PLEKHG1: variants seen among roughly 807,000 people sequenced by gnomAD.
PLEKHG1 encodes the protein pleckstrin homology domain-containing family G member 1.
In PLEKHG1, 44 loss-of-function variants were observed where a neutral mutation model predicts 100.8. The observed-to-expected ratio is 0.44, with a 90% CI of 0.34 to 0.56. The LOEUF is 0.56. Among genes scored for constraint, PLEKHG1 ranks in the 20% least tolerant of loss-of-function variants. The pLI, the probability that PLEKHG1 is intolerant of heterozygous loss-of-function variation, is 0.01. For missense variants in PLEKHG1, 1,545 were observed against 1,720.9 expected (o/e 0.90, Z 1.81); for synonymous variants, 640 against 662.5 (o/e 0.97, Z 0.52).
intron 3 of PLEKHG1, among the ~76,000 whole-genome samples, chr6:150,697,370 A>C (rs1006860823): frequency 1.3e-5 from 2 of 152,206 alleles, no homozygotes; most frequent in Non-Finnish European, 2.9e-5. Context: ...TAGGAAGACT[A>C]TCTTAGCTCT....
intron 5 of PLEKHG1, among the ~76,000 whole-genome samples, chr6:150,797,256 T>C (rs1416418152): frequency 1.3e-5 from 2 of 152,120 alleles, no homozygotes; most frequent in Non-Finnish European, 2.9e-5. Flanking sequence ...GATGGTGGGA[T>C]CCACCTAGAA....
At chr6:150,660,924 A>G (rs915087751) in intron 3 of PLEKHG1, among the ~76,000 whole-genome samples, 1 of 152,218 alleles carries the variant, frequency 6.6e-6, no homozygotes, top group Non-Finnish European at 1.5e-5. Context: ...AGGATGAAAG[A>G]TGTCTTGTTG....
chr6:150,733,724 A>G (rs766602452), exon 2 of PLEKHG1: 1 of 1,614,226 alleles, frequency 6.2e-7, no homozygotes, highest in Non-Finnish European at 8.5e-7. Context: ...CTTCGGTTCC[A>G]CATCATCCTC....
intron 10 of PLEKHG1, among the ~76,000 whole-genome samples, chr6:150,811,807 C>T (rs1388809991): frequency 6.6e-6 from 1 of 152,054 alleles, no homozygotes; most frequent in East Asian, 1.9e-4. Context: ...GACGCGTTCA[C>T]ACTGGGAAAT....
intron 3 of PLEKHG1, among the ~76,000 whole-genome samples, chr6:150,711,014 T>G (rs1396156870): frequency 6.6e-6 from 1 of 152,182 alleles, no homozygotes; most frequent in African/African-American, 2.4e-5. Flanking sequence ...CTGTGCCTTT[T>G]GAGGACGCAG....
intron 10 of PLEKHG1, 120 bp from the exon 12 acceptor site, chr6:150,818,063 G>C: frequency 1.2e-6 from 1 of 802,754 alleles, no homozygotes; most frequent in African/African-American, 1.7e-5. Context: ...AACATAAATA[G>C]CGAGTTTTTA....
At chr6:150,676,695 A>G (rs1244455308) in intron 3 of PLEKHG1, among the ~76,000 whole-genome samples, 1 of 152,234 alleles carries the variant, frequency 6.6e-6, no homozygotes, top group African/African-American at 2.4e-5. Context: ...AAAGGCACTA[A>G]CATAATTCAT....
intron 5 of PLEKHG1, among the ~76,000 whole-genome samples, chr6:150,796,222 C>T (rs1433019353): frequency 6.6e-6 from 1 of 152,158 alleles, no homozygotes; most frequent in Non-Finnish European, 1.5e-5. Context: ...TCACCCTTTT[C>T]TGTGTGTGTC....
intron 3 of PLEKHG1, among the ~76,000 whole-genome samples, chr6:150,712,609 C>T (rs1342344429): frequency 6.6e-6 from 1 of 152,166 alleles, no homozygotes; most frequent in Non-Finnish European, 1.5e-5. Context: ...TCCCATTCAA[C>T]CTGCAGTGGA....
chr6:150,724,560 T>TTCTTTTTCTTTC lies in PLEKHG1; in HGVS notation c.-99+3361_-99+3362insCTTTTTCTTTCT, dbSNP rs199994152. ...TCTTTCTTTTCTTTTTTCTTTTTCTTTTTTTTTTTTTTTTTTTGAGATGGA... is the reference window on the plus strand; with the variant it reads ...TCTTTCTTTTCTTTTTTCTTTTTCTTTCTTTTTCTTTCTTTTTTTTTTTTTTTTTGAGATGGA... On this transcript the variant is annotated intron_variant, in intron 1 of 15. Coordinates refer to ENST00000358517, the Ensembl canonical transcript of PLEKHG1. Among the ~76,000 whole-genome samples, 4 of 51,752 alleles carry TTCTTTTTCTTTC rather than the reference T, an allele frequency of 7.7e-5. No individual in the cohort carries two copies. The East Asian group carries it at 1.5e-3, about 20-fold the overall frequency. 34.0% of individuals were successfully genotyped at this position (51,752 alleles called of 152,430 possible). A position where few individuals can be genotyped will look rare whatever the true frequency, so the allele number is the denominator to read the frequency against.
intron 5 of PLEKHG1, 54 bp downstream of exon 6, chr6:150,795,956 A>G (rs982822986): frequency 1.8e-6 from 2 of 1,141,078 alleles, no homozygotes; most frequent in Non-Finnish European, 2.7e-6. Flanking sequence ...CATTGTTTCA[A>G]GTCAGCTGGT....
At chr6:150,693,338 GTC>G (rs769010085) in intron 3 of PLEKHG1, among the ~76,000 whole-genome samples, 1 of 152,250 alleles carries the variant, frequency 6.6e-6, no homozygotes, top group East Asian at 1.9e-4. Context: ...CTTATTTGGT[GTC>G]TCTCTGCTTC....
chr6:150,819,699 A>C, exon 12 of PLEKHG1: 1 of 1,610,536 alleles, frequency 6.2e-7, no homozygotes, highest in South Asian at 1.1e-5. Flanking sequence ...CTTCTGTTAC[A>C]GTCCTGAGGG....
Position 150,831,279 on chromosome 6 carries a change from G to C in PLEKHG1, c.2168G>C (p.Gly723Ala), listed in dbSNP as rs201242167. 1 of 1,613,896 alleles carries C rather than the reference G, an allele frequency of 6.2e-7. No individual in the cohort carries two copies. Among genetic ancestry groups the C allele is most frequent in the East Asian group, 2.2e-5 (1 of 44,868 alleles). The change falls in exon 15 of 16, where the codon GGT becomes GCT. Residue 723 changes from glycine to alanine, a missense_variant. Physicochemically the swap from Gly to Ala is moderately conservative, Grantham distance 60. Coordinates refer to ENST00000358517, the Ensembl canonical transcript of PLEKHG1. The surrounding 1 kb of genome is among the most constrained non-coding windows in gnomAD (Gnocchi z 4.1). Reference sequence around the variant, plus strand: ...GCACAAACAGATGGCACCCTCTCAGGTGGAGAGGCATCCAGCCAAAGCACG... The same window carrying C: ...GCACAAACAGATGGCACCCTCTCAGCTGGAGAGGCATCCAGCCAAAGCACG...
chr6:150,658,605 A>G (rs1333371274), intron 3 of PLEKHG1, among the ~76,000 whole-genome samples: 1 of 152,174 alleles, frequency 6.6e-6, no homozygotes, highest in Non-Finnish European at 1.5e-5. Context: ...AAGTCTTCTC[A>G]ATTGAGGACT....
intron 1 of PLEKHG1, among the ~76,000 whole-genome samples, chr6:150,603,866 G>A (rs1034149160): frequency 1.8e-4 from 28 of 152,256 alleles, no homozygotes; most frequent in Non-Finnish European, 3.7e-4. Context: ...GTCCTAGAGG[G>A]AAGGCAATTT....
At chr6:150,618,765 G>T (rs568374490) in intron 1 of PLEKHG1, among the ~76,000 whole-genome samples, 8 of 152,208 alleles carry the variant, frequency 5.3e-5, no homozygotes, top group Middle Eastern at 3.4e-3. Flanking sequence ...CTTGTGAGTT[G>T]GTACAGAAAT....
chr6:150,670,223 C>T (rs112893816), intron 3 of PLEKHG1, among the ~76,000 whole-genome samples: 1 of 152,134 alleles, frequency 6.6e-6, no homozygotes, highest in Non-Finnish European at 1.5e-5. Context: ...AAATCAGTAA[C>T]ATTGTGGGTT....
intron 10 of PLEKHG1, among the ~76,000 whole-genome samples, chr6:150,813,254 G>A (rs1040793304): frequency 2.7e-5 from 4 of 148,574 alleles, no homozygotes; most frequent in African/African-American, 4.9e-5. Context: ...GCATTGAGCC[G>A]AGATCACGCC....
Sources: allele counts gnomAD v4.1 joint callset (sites outside exome capture counted in the v4.1 genomes callset), GRCh38; gene constraint gnomAD v4.1.1; non-coding constraint Gnocchi (gnomAD v3.1); transcripts MANE v1.5; gene names NCBI Gene and HGNC (gene_info 2026-07-23, HGNC 2026-07-21).